Variants in NARS1 observed in about 807,000 individuals in gnomAD.
NARS1 encodes asparaginyl-tRNA synthetase 1.
A neutral mutation model predicts 79.2 loss-of-function variants in NARS1; 65 were observed. The observed-to-expected ratio is 0.82, with a 90% CI of 0.67 to 1.01. The LOEUF is 1.01. NARS1 is among the 50% of genes least tolerant of loss of function. NARS1 has a pLI of 0.00. For synonymous variants in NARS1, 229 were observed against 238.8 expected (o/e 0.96, Z 0.38); for missense variants, 649 against 673.8 (o/e 0.96, Z 0.41).
At chr18:57,602,673 G>A in intron 12 of NARS1, 139 bp downstream of exon 12, 1 of 1,270,370 alleles carries the variant, frequency 7.9e-7, no homozygotes, top group East Asian at 2.5e-5. Context: ...AGGGGAGGGT[G>A]AAAAAACCCA....
Position 57,605,895 on chromosome 18 carries a change from C to A in NARS1, c.1213G>T (p.Val405Leu). The A allele has an allele frequency of 6.2e-7, 1 of 1,612,604 alleles. No homozygotes were observed. The highest frequency in any genetic ancestry group is 8.5e-7 in the Non-Finnish European group (1 of 1,178,986). The change falls in exon 11 of 14, where the codon GTA (valine) becomes TTA (leucine). Residue 405 changes from valine (V) to leucine (L), a missense_variant. Transcript: ENST00000256854. ...TAGAAAGTTCCATCTTCTTTCTTTA[C>A]ATCATGTTCTTTTAGCCAAACGATA... The part of the protein sequence containing the change: ...DAIVWLKEHD[V>L]KKEDGTFYEF...
rs2051606357 is a variant in NARS1, at chr18:57,611,703, C to A, written c.426G>T (p.Lys142Asn). 14 of 1,577,948 alleles carry A rather than the reference C, an allele frequency of 8.9e-6. No homozygotes were observed. The highest frequency in any genetic ancestry group is 2.3e-5 in the East Asian group (1 of 43,662). The change falls in exon 6 of 14, where the codon AAG becomes AAT. Residue 142 changes from lysine (K) to asparagine (N), a missense_variant. By Grantham distance (94) the Lys-to-Asn change is moderately conservative (BLOSUM62 0). Coordinates refer to ENST00000256854, the MANE Select transcript of NARS1 (RefSeq NM_004539.4). The stretch of plus-strand genomic sequence containing the variant: ...CTCGCAACACCAGAAACATTAAATT[C>A]TTTCCTAAAAAATGAGAAATAATAA... ...GWVHRLRRQG[K>N]NLMFLVLRDG...
intron 6 of NARS1, among the ~76,000 whole-genome samples, chr18:57,610,081 A>G (rs903008344): frequency 6.6e-6 from 1 of 152,054 alleles, no homozygotes; most frequent in Non-Finnish European, 1.5e-5. Context: ...GCCCATCTAC[A>G]CTATAATCAC....
chr18:57,606,571 C>CA, intron 10 of NARS1, 45 bp downstream of exon 10: 1 of 1,574,736 alleles, frequency 6.4e-7, no homozygotes, highest in Non-Finnish European at 8.7e-7. Flanking sequence ...CATTGTCTTC[C>CA]AAAAAAGGAC....
At chr18:57,616,948 CAAAAAAAAAAAAAAAAAA>C (rs59363506) in intron 2 of NARS1, among the ~76,000 whole-genome samples, 1 of 72,786 alleles carries the variant, frequency 1.4e-5, no homozygotes, top group African/African-American at 6.2e-5. Context: ...GACTCTGTCT[CAAAAAAAAAAAAAAAAAA>C]AAAAAAAAAA....
At chr18:57,611,574 AAAC>A (rs1451505807) in intron 6 of NARS1, 60 bp downstream of exon 6, 14 of 1,126,338 alleles carry the variant, frequency 1.2e-5, no homozygotes, top group Admixed American at 2.4e-5. Context: ...AATGTATACA[AAAC>A]AATAAAGGAA....
At chr18:57,604,947 G>A (rs908845692) in intron 11 of NARS1, among the ~76,000 whole-genome samples, 4 of 151,934 alleles carry the variant, frequency 2.6e-5, no homozygotes, top group Non-Finnish European at 5.9e-5. Flanking sequence ...AGGCAAAACC[G>A]AAATGCTAAG....
chr18:57,621,628 A>G, intron 1 of NARS1, 80 bp downstream of exon 1: 1 of 1,354,462 alleles, frequency 7.4e-7, no homozygotes, highest in Non-Finnish European at 1.1e-6. Context: ...GTAGGCACTA[A>G]GGAAAGCGCC....
intron 6 of NARS1, among the ~76,000 whole-genome samples, chr18:57,610,611 C>A (rs556453422): frequency 2.6e-5 from 4 of 152,166 alleles, no homozygotes; most frequent in Admixed American, 1.3e-4. Context: ...ATAAAAAATG[C>A]AGACACTAGA....
chr18:57,607,031 TCAGTTG>T, intron 9 of NARS1, 97 bp downstream of exon 9: 1 of 1,236,492 alleles, frequency 8.1e-7, no homozygotes, highest in Admixed American at 2.3e-5. Flanking sequence ...ACTTAATATA[TCAGTTG>T]GTTTTTTTTA....
Position 57,615,628 on chromosome 18 carries a change from T to C in NARS1, c.342+13A>G. On this transcript the variant is annotated intron_variant, in intron 4 of 13. Transcript: ENST00000256854. ...GCCAAGTCCACGGTATTTGAAAAGA[T>C]AAACAAACTTACACATTTTGGCTCT... 2 of 1,574,992 alleles carry C rather than the reference T, an allele frequency of 1.3e-6. No homozygotes were observed. The highest frequency in any genetic ancestry group is 1.7e-6 in the Non-Finnish European group (2 of 1,146,200).
intron 7 of NARS1, among the ~76,000 whole-genome samples, 180 bp from the exon 8 acceptor site, chr18:57,607,845 A>G (rs554720084): frequency 6.6e-6 from 1 of 152,006 alleles, no homozygotes; most frequent in Admixed American, 6.6e-5. Flanking sequence ...CTGGATAAAT[A>G]CACACTCACA....
chr18:57,602,987 C>CT, intron 11 of NARS1, 44 bp from the exon 12 acceptor site: 3 of 1,608,368 alleles, frequency 1.9e-6, no homozygotes, highest in Non-Finnish European at 2.6e-6. Context: ...ACTTGGATCG[C>CT]AACAAGACAG....
chr18:57,620,727 T>G, intron 1 of NARS1, 76 bp from the exon 2 acceptor site: 1 of 845,552 alleles, frequency 1.2e-6, no homozygotes, highest in Non-Finnish European at 1.9e-6. Flanking sequence ...TCATTCCTTA[T>G]CTTTGTAAAC....
chr18:57,621,776 T>G lies in NARS1; in HGVS notation c.-59A>C. 1 of 1,612,940 alleles carries G rather than the reference T, an allele frequency of 6.2e-7. No individual in the cohort carries two copies. Among genetic ancestry groups the G allele is most frequent in the Non-Finnish European group, 8.5e-7 (1 of 1,179,778 alleles). ...AGACTGCAACACCGACGCCGTCTTATGACTCCAACGTGCACCGGCGGTTTC... is the reference window on the plus strand; with the variant it reads ...AGACTGCAACACCGACGCCGTCTTAGGACTCCAACGTGCACCGGCGGTTTC... On this transcript the variant is annotated 5_prime_UTR_variant, in exon 1 of 14. Coordinates refer to ENST00000256854, the MANE Select transcript of NARS1 (RefSeq NM_004539.4).
chr18:57,617,183 G>A (rs1221756425), intron 2 of NARS1, among the ~76,000 whole-genome samples: 1 of 152,088 alleles, frequency 6.6e-6, no homozygotes, highest in African/African-American at 2.4e-5. Flanking sequence ...CCAAGTTATT[G>A]AATCAAACAA....
intron 11 of NARS1, among the ~76,000 whole-genome samples, chr18:57,603,801 G>A (rs760498354): frequency 2.6e-5 from 4 of 152,202 alleles, no homozygotes; most frequent in Non-Finnish European, 4.4e-5. Context: ...CAGGAGATGA[G>A]TGGGAGAGCT....
intron 7 of NARS1, among the ~76,000 whole-genome samples, chr18:57,608,230 A>C (rs2051577020): frequency 2.0e-5 from 3 of 152,046 alleles, no homozygotes; most frequent in East Asian, 2.0e-4. Context: ...GCGGGTGGAT[A>C]ACGAGGTCAG....
At chr18:57,604,649 GA>G (rs1342646750) in intron 11 of NARS1, among the ~76,000 whole-genome samples, 2 of 152,162 alleles carry the variant, frequency 1.3e-5, no homozygotes, top group Non-Finnish European at 2.9e-5. Flanking sequence ...CAATACTTTG[GA>G]AAGCTGGGGT....
Sources: gnomAD v4.1 joint callset for allele counts (sites outside exome capture counted in the v4.1 genomes callset) on GRCh38, gnomAD v4.1.1 for gene constraint, MANE v1.5 for transcripts, NCBI Gene and HGNC (gene_info 2026-07-23, HGNC 2026-07-21) for gene names.